The following SLC22A5 variants were observed in gnomAD, a reference collection of about 807,000 sequenced individuals.
SLC22A5 encodes organic cation/carnitine transporter 2.
SLC22A5 carries 44 observed loss-of-function variants against 56.7 expected under a neutral mutation model. The observed-to-expected ratio is 0.78, with a 90% confidence interval of 0.61 to 1.00. The LOEUF is 1.00. Among genes scored for constraint, SLC22A5 ranks in the 50% least tolerant of loss-of-function variants. The probability of loss-of-function intolerance (pLI) is 0.00; values close to 1 mark genes in which losing one functional copy is unlikely to be tolerated. For missense variants in SLC22A5, 675 were observed against 723.0 expected, an observed-to-expected ratio of 0.93 and a Z score of 0.76; for synonymous variants, 278 against 292.1, an observed-to-expected ratio of 0.95 and a Z score of 0.49.
At chr5:132,378,540 C>T (rs1317447831) in intron 2 of SLC22A5, 59 bp downstream of exon 2, 7 of 1,246,952 alleles carry the variant, frequency 5.6e-6, no homozygotes, top group African/African-American at 1.5e-5. Flanking sequence ...GAAGCGTGTG[C>T]CTGGCCCTTG....
intron 1 of SLC22A5, among the ~76,000 whole-genome samples, chr5:132,371,868 C>T (rs1751947883): frequency 6.6e-6 from 1 of 152,128 alleles, no homozygotes; most frequent in African/African-American, 2.4e-5. Flanking sequence ...GCCTCCCCTC[C>T]TGGAGCCTCA....
At position 132,370,284 on chromosome 5, in the gene SLC22A5, C is replaced by CCTGGGGCAG. The variant is rs1372923797; in HGVS notation, c.317_325dup (p.Gly106_Leu108dup). 6.2e-7 allele frequency: 1 copy of CCTGGGGCAG among 1,605,990 alleles called. No homozygotes were observed. The highest frequency in any genetic ancestry group is 8.5e-7 in the Non-Finnish European group (1 of 1,176,970). On this transcript the variant is annotated inframe_insertion, in exon 1 of 10. Coordinates refer to ENST00000245407, the MANE Select transcript of SLC22A5 (RefSeq NM_003060.4). ...GGCTGGAGCCGGGGCGCGACGTGGA[C>CCTGGGGCAG]CTGGGGCAGCTGGAGCAGGAGAGCT...
intron 2 of SLC22A5, 63 bp downstream of exon 2, chr5:132,378,544 G>A (rs1400334422): frequency 5.8e-6 from 7 of 1,204,888 alleles, no homozygotes; most frequent in Non-Finnish European, 8.7e-6. Context: ...CGTGTGCCTG[G>A]CCCTTGATTT....
chr5:132,385,911 CCTT>C (rs913870346), intron 4 of SLC22A5, among the ~76,000 whole-genome samples: 1 of 152,250 alleles, frequency 6.6e-6, no homozygotes, highest in African/African-American at 2.4e-5. Flanking sequence ...AAGCCAGGCT[CCTT>C]CTGCACCACC....
In SLC22A5 at chr5:132,385,405, A is replaced by G. The variant is rs749322974; in HGVS notation, c.730A>G (p.Met244Val). The G allele has an allele frequency of 6.2e-7, 1 of 1,614,136 alleles. No individual in the cohort carries two copies. The highest frequency in any genetic ancestry group is 2.2e-5 in the East Asian group (1 of 44,884). The stretch of plus-strand genomic sequence containing the variant: ...GTGCATATTTTATGCATTTGGCTAC[A>G]TGGTGCTGCCACTGTTTGCTTACTT... The part of the protein sequence containing the change: ...GVCIFYAFGY[M>V]VLPLFAYFIR... The change falls in exon 4 of 10, where the codon ATG (methionine) becomes GTG (valine). Residue 244 changes from methionine to valine, a missense_variant. Coordinates refer to ENST00000245407, the MANE Select transcript of SLC22A5 (RefSeq NM_003060.4).
chr5:132,381,568 C>T (rs1232872582), intron 2 of SLC22A5: 2 of 152,200 alleles, frequency 1.3e-5, no homozygotes, highest in East Asian at 3.9e-4. Flanking sequence ...TCTAGGACAT[C>T]AATGTAACTT....
chr5:132,388,957 A>G lies in SLC22A5; in HGVS notation c.988A>G (p.Asn330Asp). Residue 330 changes from asparagine to aspartate, a missense_variant, in exon 6 of 10, where the codon AAC becomes GAC. Asn to Asp is a conservative substitution (Grantham distance 23, BLOSUM62 1). Coordinates refer to ENST00000245407, the MANE Select transcript of SLC22A5 (RefSeq NM_003060.4). ...AAGTTCCAAGAAGCAGCAGTCCCAC[A>G]ACATTCTGGATCTGCTTCGAACCTG... ...DLSSKKQQSH[N>D]ILDLLRTWNI... is the part of the protein sequence containing the mutation. 1 of 1,614,032 alleles carries G rather than the reference A, an allele frequency of 6.2e-7. No individual in the cohort carries two copies. The highest frequency in any genetic ancestry group is 8.5e-7 in the Non-Finnish European group (1 of 1,179,880).
rs1391802991 is a variant in SLC22A5, at chr5:132,385,447, A to G, written c.772A>G (p.Met258Val). 7.4e-6 allele frequency: 12 copies of G among 1,614,046 alleles called. No homozygotes were observed. Among genetic ancestry groups the G allele is most frequent in the Middle Eastern group, 3.3e-4 (2 of 6,084 alleles). ...LFAYFIRDWR[M>V]LLVALTMPGV... ...TGCTTACTTCATCCGAGACTGGCGG[A>G]TGCTGCTGGTGGCGCTGACGATGCC... Residue 258 changes from methionine (M) to valine (V), a missense_variant, in exon 4 of 10, where the codon ATG (methionine) becomes GTG (valine). By Grantham distance (21) the Met-to-Val change is conservative (BLOSUM62 1). Transcript: ENST00000245407.
intron 1 of SLC22A5, chr5:132,377,706 T>G: frequency 5.8e-6 from 1 of 172,728 alleles, no homozygotes; most frequent in Non-Finnish European, 1.2e-5. Context: ...CATGGGGTGA[T>G]GCTTATCTGA....
chr5:132,374,205 G>T (rs1013414011), intron 1 of SLC22A5, among the ~76,000 whole-genome samples: 3 of 150,306 alleles, frequency 2.0e-5, no homozygotes, highest in African/African-American at 7.3e-5. Flanking sequence ...GGTGACAAGA[G>T]CAAGACTCCG....
At position 132,370,220 on chromosome 5, in the gene SLC22A5, G is replaced by C. The variant is rs72552726; in HGVS notation, c.248G>C (p.Arg83Pro). The C allele has an allele frequency of 6.3e-7, 1 of 1,586,198 alleles. No individual in the cohort carries two copies. The stretch of plus-strand genomic sequence containing the variant: ...CGCGAGGTGCCCCACAGCTGCCGCC[G>C]CTACCGGCTCGCCACCATCGCCAAC... ...DGREVPHSCR[R>P]YRLATIANFS... is the part of the protein sequence containing the mutation. The change falls in exon 1 of 10, where the codon CGC becomes CCC. Residue 83 changes from arginine to proline, a missense_variant. Coordinates refer to ENST00000245407, the MANE Select transcript of SLC22A5 (RefSeq NM_003060.4).
In SLC22A5 at chr5:132,369,885, T is replaced by C. The variant is rs994111765; in HGVS notation, c.-88T>C. On this transcript the variant is annotated 5_prime_UTR_variant, in exon 1 of 10. Coordinates refer to ENST00000245407, the MANE Select transcript of SLC22A5 (RefSeq NM_003060.4). ...TGGGTCGCCTGCTGCCTGGCTTGCCTGGTCGGCGGCGGGTGCCCCGCGCGC... is the reference window on the plus strand; with the variant it reads ...TGGGTCGCCTGCTGCCTGGCTTGCCCGGTCGGCGGCGGGTGCCCCGCGCGC... 50 of 1,537,160 alleles carry C rather than the reference T, an allele frequency of 3.3e-5. No individual in the cohort carries two copies. The highest frequency in any genetic ancestry group is 4.1e-5 in the Non-Finnish European group (47 of 1,144,374).
chr5:132,387,149 G>A lies in SLC22A5; in HGVS notation c.949G>A (p.Glu317Lys), dbSNP rs774792831. The part of the protein sequence containing the change: ...VVPSTIFDPS[E>K]LQDLSSKKQQ... Reference sequence around the variant, plus strand: ...GCCTTCCACTATCTTTGACCCGAGTGAGGTAAGCACCATGTGGGTGTGGGT... The same window carrying A: ...GCCTTCCACTATCTTTGACCCGAGTAAGGTAAGCACCATGTGGGTGTGGGT... Residue 317 changes from glutamate to lysine, a missense_variant and splice_region_variant, in exon 5 of 10, where the codon GAG (glutamate) becomes AAG (lysine). Physicochemically the swap from Glu to Lys is moderately conservative, Grantham distance 56 (BLOSUM62 1). Transcript: ENST00000245407. 12 of 1,614,058 alleles carry A rather than the reference G, an allele frequency of 7.4e-6. No homozygotes were observed. The highest frequency in any genetic ancestry group is 3.3e-5 in the Admixed American group (2 of 60,016).
chr5:132,381,133 A>T (rs1752331948), intron 2 of SLC22A5: 1 of 152,172 alleles, frequency 6.6e-6, no homozygotes, highest in African/African-American at 2.4e-5. Flanking sequence ...GGGTCAGCTT[A>T]AGAACCTTCT....
Position 132,384,154 on chromosome 5 carries a change from C to T in SLC22A5, c.505C>T (p.Arg169Trp), listed in dbSNP as rs121908890. The T allele has an allele frequency of 2.2e-5, 36 of 1,614,194 alleles. No homozygotes were observed. Among genetic ancestry groups the T allele is most frequent in the Middle Eastern group, 1.6e-4 (1 of 6,062 alleles). The change falls in exon 3 of 10, where the codon CGG becomes TGG. Residue 169 changes from arginine (R) to tryptophan (W), a missense_variant. By Grantham distance (101) the Arg-to-Trp change is moderately radical. Coordinates refer to ENST00000245407, the MANE Select transcript of SLC22A5 (RefSeq NM_003060.4). ...ISGQLSDRFG[R>W]KNVLFVTMGM... ...CTCTCCTTTTCTTCCCAGGTTTGGC[C>T]GGAAGAATGTGCTGTTCGTGACCAT...
Position 132,392,507 on chromosome 5 carries a change from G to A in SLC22A5, c.1342G>A (p.Val448Met), listed in dbSNP as rs386134219. 5.0e-6 allele frequency: 8 copies of A among 1,614,024 alleles called. No homozygotes were observed. In the East Asian group the frequency reaches 8.9e-5, roughly 18 times the overall value. Residue 448 changes from valine (V) to methionine (M), a missense_variant, in exon 8 of 10, where the codon GTG (valine) becomes ATG (methionine). By Grantham distance (21) the Val-to-Met change is conservative. Coordinates refer to ENST00000245407, the MANE Select transcript of SLC22A5 (RefSeq NM_003060.4). ...CACGGCTGCCTTTTCCATGGTCTAC[G>A]TGTACACAGCCGAGCTGTATCCCAC... Reference protein sequence around the residue: ...GVTAAFSMVYVYTAELYPTVV... With the variant: ...GVTAAFSMVYMYTAELYPTVV...
At chr5:132,391,404 T>C (rs887709975) in intron 7 of SLC22A5, among the ~76,000 whole-genome samples, 1 of 152,188 alleles carries the variant, frequency 6.6e-6, no homozygotes, top group Non-Finnish European at 1.5e-5. Flanking sequence ...TAGTTCAGAC[T>C]GTGTTACCTT....
chr5:132,380,984 C>T (rs1752328235), intron 2 of SLC22A5: 1 of 152,092 alleles, frequency 6.6e-6, no homozygotes, highest in African/African-American at 2.4e-5. Flanking sequence ...GCTTAGAGGC[C>T]ACCTGAGTGG....
Position 132,384,262 on chromosome 5 carries a change from A to G in SLC22A5, c.613A>G (p.Met205Val). 6.2e-7 allele frequency: 1 copy of G among 1,614,244 alleles called. No individual in the cohort carries two copies. The highest frequency in any genetic ancestry group is 8.5e-7 in the Non-Finnish European group (1 of 1,180,052). ...MFVVLFVLVG[M>V]GQISNYVAAF... ...TGTCGTGCTGTTTGTCCTTGTAGGC[A>G]TGGGCCAGATCTCCAACTATGTGGC... is the stretch of plus-strand genomic sequence containing the variant. Residue 205 changes from methionine to valine, a missense_variant, in exon 3 of 10, where the codon ATG (methionine) becomes GTG (valine). Coordinates refer to ENST00000245407, the MANE Select transcript of SLC22A5 (RefSeq NM_003060.4).
Sources: allele counts gnomAD v4.1 joint callset (sites outside exome capture counted in the v4.1 genomes callset), GRCh38; gene constraint gnomAD v4.1.1; transcripts MANE v1.5; gene names NCBI Gene and HGNC (gene_info 2026-07-23, HGNC 2026-07-21).